SPRR2G: variants seen among roughly 807,000 people sequenced by gnomAD.
SPRR2G encodes small proline rich protein 2G, also known as small proline-rich protein 2G.
In SPRR2G, 1 loss-of-function variant was observed where a neutral mutation model predicts 0.7. That is an observed-to-expected ratio of 1.49 (90% CI 0.53 to 7.06). The LOEUF is 7.06. SPRR2G is among the 30% of genes most tolerant of loss of function. SPRR2G has a pLI of 0.14. For missense variants in SPRR2G, 96 were observed against 88.5 expected (o/e 1.09, Z -0.34); for synonymous variants, 38 against 33.9 (o/e 1.12, Z -0.42).
At chr1:153,161,373 T>G in the SPRR2G span, among the ~76,000 whole-genome samples, 2 of 111,298 alleles carry the variant, frequency 1.8e-5, 1 homozygote, top group Non-Finnish European at 4.4e-5. Flanking sequence ...TATTTCTTCA[T>G]TGGAGAAATG....
chr1:153,182,260 A>G, the SPRR2G span, among the ~76,000 whole-genome samples: 1 of 151,804 alleles, frequency 6.6e-6, no homozygotes, highest in Non-Finnish European at 1.5e-5. Flanking sequence ...TTTTAACAGG[A>G]TTGTTTGGTT....
the SPRR2G span, among the ~76,000 whole-genome samples, chr1:153,195,345 C>T: frequency 4.6e-5 from 7 of 152,162 alleles, no homozygotes; most frequent in Admixed American, 2.0e-4. Flanking sequence ...GGTATCCTCC[C>T]GGCTCCTCCT....
chr1:153,151,748 T>G (rs187715658), upstream of SPRR2G, among the ~76,000 whole-genome samples: 1 of 152,348 alleles, frequency 6.6e-6, no homozygotes, highest in East Asian at 1.9e-4. Context: ...GAAATGACAT[T>G]TAGTAGGATT....
At chr1:153,197,553 A>G in the SPRR2G span, among the ~76,000 whole-genome samples, 229 of 152,224 alleles carry the variant, frequency 1.5e-3, no homozygotes, top group African/African-American at 5.0e-3. Context: ...CATCTATTAT[A>G]TGTCAGGCCC....
chr1:153,173,262 A>C, the SPRR2G span, among the ~76,000 whole-genome samples: 8 of 152,202 alleles, frequency 5.3e-5, no homozygotes, highest in African/African-American at 1.9e-4. Flanking sequence ...CATGGCTAAC[A>C]CTTCCAGAAC....
the SPRR2G span, among the ~76,000 whole-genome samples, chr1:153,173,263 C>A: frequency 1.3e-5 from 2 of 152,234 alleles, no homozygotes; most frequent in Non-Finnish European, 2.9e-5. Context: ...ATGGCTAACA[C>A]TTCCAGAACC....
chr1:153,201,515 T>C, the SPRR2G span, among the ~76,000 whole-genome samples: 1 of 152,140 alleles, frequency 6.6e-6, no homozygotes, highest in African/African-American at 2.4e-5. Context: ...CTGGGTCTCC[T>C]GAGATGGGGG....
the SPRR2G span, chr1:153,174,613 G>T: frequency 6.6e-6 from 1 of 152,232 alleles, no homozygotes; most frequent in Non-Finnish European, 1.5e-5. Flanking sequence ...TAGAGCCTCC[G>T]TCACAGTGCG....
At chr1:153,186,410 C>T in the SPRR2G span, among the ~76,000 whole-genome samples, 12,653 of 152,158 alleles carry the variant, frequency 0.083, 575 homozygotes, top group African/African-American at 0.13. Context: ...GTATTGGGTG[C>T]ATATATATTT....
the SPRR2G span, among the ~76,000 whole-genome samples, chr1:153,187,002 T>C: frequency 1.3e-5 from 2 of 152,240 alleles, no homozygotes; most frequent in Non-Finnish European, 2.9e-5. Context: ...AAAATTCTTT[T>C]CTTTAGGAAT....
At chr1:153,164,994 C>A in the SPRR2G span, among the ~76,000 whole-genome samples, 1 of 152,192 alleles carries the variant, frequency 6.6e-6, no homozygotes, top group Non-Finnish European at 1.5e-5. Context: ...ATTTTTGTTT[C>A]CATCCATCAA....
chr1:153,165,422 G>C, the SPRR2G span, among the ~76,000 whole-genome samples: 1 of 152,158 alleles, frequency 6.6e-6, no homozygotes. Flanking sequence ...ATGACAGACA[G>C]AACTTCCCAG....
chr1:153,190,020 G>A, the SPRR2G span: 1 of 152,088 alleles, frequency 6.6e-6, no homozygotes, highest in African/African-American at 2.4e-5. Context: ...TGGTATTTTG[G>A]GGAATAATCT....
the SPRR2G span, among the ~76,000 whole-genome samples, chr1:153,164,198 C>T: frequency 6.6e-6 from 1 of 152,136 alleles, no homozygotes; most frequent in East Asian, 1.9e-4. Flanking sequence ...TCATTCACAA[C>T]CCAAAGAACA....
chr1:153,157,047 C>T, the SPRR2G span, among the ~76,000 whole-genome samples: 1 of 152,198 alleles, frequency 6.6e-6, no homozygotes, highest in African/African-American at 2.4e-5. Context: ...CTGCCACTGC[C>T]CAGCATCACC....
upstream of SPRR2G, among the ~76,000 whole-genome samples, chr1:153,154,432 A>G (rs1281687125): frequency 6.6e-6 from 1 of 152,092 alleles, no homozygotes; most frequent in East Asian, 1.9e-4. Context: ...TTATTAATAC[A>G]TTAGTTATTT....
At chr1:153,161,492 G>T in the SPRR2G span, among the ~76,000 whole-genome samples, 4 of 151,372 alleles carry the variant, frequency 2.6e-5, 2 homozygotes, top group African/African-American at 9.7e-5. Flanking sequence ...CACATGTATG[G>T]TTTGCAAATA....
chr1:153,162,382 T>C, the SPRR2G span, among the ~76,000 whole-genome samples: 5 of 152,284 alleles, frequency 3.3e-5, no homozygotes, highest in Admixed American at 6.5e-5. Flanking sequence ...TGAATACCAA[T>C]TGTTTTCAGG....
At chr1:153,196,024 C>T in the SPRR2G span, among the ~76,000 whole-genome samples, 3 of 152,214 alleles carry the variant, frequency 2.0e-5, no homozygotes, top group African/African-American at 7.2e-5. Flanking sequence ...CATCCTTCCC[C>T]TTCCTTATCC....
Sources: allele counts gnomAD v4.1 joint callset (sites outside exome capture counted in the v4.1 genomes callset), GRCh38; gene constraint gnomAD v4.1.1; transcripts MANE v1.5; gene names NCBI Gene and HGNC (gene_info 2026-07-23, HGNC 2026-07-21).